The following CDH18 variants were observed in gnomAD, a reference collection of about 807,000 sequenced individuals.
The protein encoded by CDH18 is cadherin 18, also known as cadherin-18.
Under a neutral mutation model 67.9 loss-of-function variants are expected in CDH18, and 31 were observed. That is an observed-to-expected ratio of 0.46 (90% confidence interval 0.34 to 0.62). The LOEUF (loss-of-function observed/expected upper bound fraction) is 0.62. Among genes scored for constraint, CDH18 ranks in the 20% least tolerant of loss-of-function variants. The probability of loss-of-function intolerance (pLI) is 0.01; values close to 1 mark genes in which losing one functional copy is unlikely to be tolerated. For synonymous variants in CDH18, 362 were observed against 347.2 expected (o/e 1.04, Z -0.48); for missense variants, 890 against 975.5 (o/e 0.91, Z 1.17).
chr5:19,532,343 C>T (rs964897945), intron 9 of CDH18, among the ~76,000 whole-genome samples: 1 of 151,994 alleles, frequency 6.6e-6, no homozygotes, highest in Non-Finnish European at 1.5e-5. Flanking sequence ...GTTGTTGACA[C>T]CAAGATGATC....
At chr5:19,588,154 T>C (rs1744500874) in intron 7 of CDH18, among the ~76,000 whole-genome samples, 1 of 152,158 alleles carries the variant, frequency 6.6e-6, no homozygotes, top group South Asian at 2.1e-4. Context: ...GAGACTTTGC[T>C]GAAGTTGCTT....
intron 5 of CDH18, among the ~76,000 whole-genome samples, chr5:19,655,353 T>G (rs542868124): frequency 2.0e-5 from 3 of 152,074 alleles, no homozygotes; most frequent in African/African-American, 7.2e-5. Flanking sequence ...AATAATTATA[T>G]GCATTTGTGC....
intron 1 of CDH18, among the ~76,000 whole-genome samples, chr5:19,983,856 T>C (rs976481875): frequency 2.0e-5 from 3 of 152,204 alleles, no homozygotes; most frequent in Admixed American, 6.5e-5. Flanking sequence ...TTTAAAAAGA[T>C]TGTAATAAGG....
chr5:20,425,264 C>T lies in CDH18; in HGVS notation c.-580+150198G>A, dbSNP rs142589917. On this transcript the variant is annotated intron_variant, in intron 1 of 14. Coordinates refer to the CDH18 transcript ENST00000507958. ...TGCCTGTAATCCCAGTTACTCTACTCGGGAGGCGAGGCAGGAGAATTGCTT... is the reference window on the plus strand; with the variant it reads ...TGCCTGTAATCCCAGTTACTCTACTTGGGAGGCGAGGCAGGAGAATTGCTT... Among the ~76,000 whole-genome samples the T allele has an allele frequency of 4.7e-3, 711 of 150,358 alleles. 49 individuals carry two copies. The highest frequency in any genetic ancestry group is 0.017 in the African/African-American group (666 of 40,010).
At chr5:19,717,356 A>T (rs746805180) in intron 5 of CDH18, among the ~76,000 whole-genome samples, 1 of 152,080 alleles carries the variant, frequency 6.6e-6, no homozygotes, top group South Asian at 2.1e-4. Flanking sequence ...GAGCATTAAG[A>T]GATTTTCATG....
chr5:19,923,085 A>C (rs1284225238), intron 2 of CDH18, among the ~76,000 whole-genome samples: 2 of 152,152 alleles, frequency 1.3e-5, no homozygotes, highest in Admixed American at 1.3e-4. Flanking sequence ...TATAAGTGAC[A>C]CTGTGTCTTT....
chr5:20,266,666 G>A (rs1208020043), intron 1 of CDH18, among the ~76,000 whole-genome samples: 3 of 141,506 alleles, frequency 2.1e-5, no homozygotes, highest in Admixed American at 7.7e-5. Context: ...GGCCTCAAGC[G>A]ATCCACCCAA....
Position 20,564,189 on chromosome 5 carries a change from C to A in CDH18, c.-580+11273G>T, listed in dbSNP as rs975448076. ...CTTACATTTCAGCCATGGTGAACAA[C>A]ATGCAATTTTCACATCCCTCCATAA... On this transcript the variant is annotated intron_variant, in intron 1 of 14. Transcript: ENST00000507958. Among the ~76,000 whole-genome samples, 5 of 152,028 alleles carry A rather than the reference C, an allele frequency of 3.3e-5. No individual in the cohort carries two copies. In the South Asian group the frequency reaches 1.0e-3, roughly 32 times the overall value.
intron 3 of CDH18, among the ~76,000 whole-genome samples, chr5:19,763,075 A>C (rs946642176): frequency 6.6e-6 from 1 of 152,252 alleles, no homozygotes; most frequent in South Asian, 2.1e-4. Context: ...AAGGCAGGGA[A>C]TATCACACAC....
At chr5:20,274,692 A>T (rs1164965319) in intron 1 of CDH18, among the ~76,000 whole-genome samples, 2 of 152,184 alleles carry the variant, frequency 1.3e-5, no homozygotes, top group East Asian at 3.8e-4. Flanking sequence ...AAGAATATAT[A>T]TATTTTGATA....
In CDH18 at chr5:19,550,853, T is replaced by C. The variant is rs185300698; in HGVS notation, c.1254-6848A>G. Among the ~76,000 whole-genome samples the C allele has an allele frequency of 5.5e-4, 84 of 152,284 alleles. 2 individuals are homozygous for C. The East Asian group carries it at 0.015, about 28-fold the overall frequency. ...GGAATCGCCACACTGACTTCCACAATGGTTGAACTAGTTTACATTCCCACC... is the reference window on the plus strand; with the variant it reads ...GGAATCGCCACACTGACTTCCACAACGGTTGAACTAGTTTACATTCCCACC... On this transcript the variant is annotated intron_variant, in intron 8 of 12. Transcript: ENST00000382275.
chr5:20,099,316 C>T (rs959655533), intron 2 of CDH18, among the ~76,000 whole-genome samples: 10 of 152,108 alleles, frequency 6.6e-5, no homozygotes, highest in Non-Finnish European at 1.5e-4. Flanking sequence ...ATCAGGCATT[C>T]ATTAGTCACT....
intron 2 of CDH18, among the ~76,000 whole-genome samples, chr5:20,049,723 C>T (rs900488604): frequency 1.2e-4 from 18 of 151,558 alleles, no homozygotes; most frequent in African/African-American, 4.4e-4. Context: ...TATAAACCAT[C>T]CATAAAACTT....
chr5:19,934,029 T>A (rs928970027), intron 2 of CDH18, among the ~76,000 whole-genome samples: 1 of 151,372 alleles, frequency 6.6e-6, no homozygotes, highest in Non-Finnish European at 1.5e-5. Context: ...TTCATTCCAG[T>A]TCCGGTAGTT....
At chr5:20,349,380 G>A (rs1025627200) in intron 1 of CDH18, among the ~76,000 whole-genome samples, 2 of 152,052 alleles carry the variant, frequency 1.3e-5, no homozygotes, top group African/African-American at 4.8e-5. Flanking sequence ...AGAATTCATT[G>A]AATACTCGGG....
chr5:19,489,723 C>T (rs992827141), intron 11 of CDH18, among the ~76,000 whole-genome samples: 1 of 152,092 alleles, frequency 6.6e-6, no homozygotes, highest in Non-Finnish European at 1.5e-5. Context: ...CTTTCTTTGC[C>T]ATTACATCTG....
At position 20,306,508 on chromosome 5, in the gene CDH18, G is replaced by C. The variant is rs370618938; in HGVS notation, c.-579-51003C>G. ...TTGGCTTTTAATACTCTGCCGATAG[G>C]ATTTGCCTCAACAAATGGCTGCATA... On this transcript the variant is annotated intron_variant, in intron 1 of 14. Transcript: ENST00000507958. Among the ~76,000 whole-genome samples the C allele has an allele frequency of 5.5e-5, 7 of 126,598 alleles. No homozygotes were observed. In the East Asian group the frequency reaches 1.0e-3, roughly 18 times the overall value. The allele number at this position is 126,598 out of a possible 152,430, so 83.1% of individuals were successfully genotyped here.
chr5:19,870,186 C>T (rs1365263512), intron 2 of CDH18, among the ~76,000 whole-genome samples: 1 of 152,092 alleles, frequency 6.6e-6, no homozygotes. Context: ...CATGTCCTTA[C>T]TTTGAGTCAG....
At chr5:20,102,911 G>T (rs1212365640) in intron 2 of CDH18, among the ~76,000 whole-genome samples, 1 of 152,070 alleles carries the variant, frequency 6.6e-6, no homozygotes, top group Non-Finnish European at 1.5e-5. Context: ...TTAGTTTATT[G>T]GCTCAAACCT....
Sources: gnomAD v4.1 joint callset for allele counts (sites outside exome capture counted in the v4.1 genomes callset) on GRCh38, gnomAD v4.1.1 for gene constraint, MANE v1.5 for transcripts, NCBI Gene and HGNC (gene_info 2026-07-23, HGNC 2026-07-21) for gene names.